The following RBFOX1 variants were observed in gnomAD, a reference collection of about 807,000 sequenced individuals.
The protein encoded by RBFOX1 is RNA binding protein fox-1 homolog 1.
RBFOX1 carries 8 observed loss-of-function variants against 57.7 expected under a neutral mutation model. The ratio of observed to expected loss-of-function variants is 0.14; its 90% confidence interval spans 0.08 to 0.25. RBFOX1 has a LOEUF of 0.25. Among genes scored for constraint, RBFOX1 ranks in the 10% least tolerant of loss-of-function variants. The pLI, the probability that RBFOX1 is intolerant of heterozygous loss-of-function variation, is 1.00. For synonymous variants in RBFOX1, 326 were observed against 222.4 expected, an observed-to-expected ratio of 1.47 and a Z score of -4.15; for missense variants, 611 against 548.5, an observed-to-expected ratio of 1.11 and a Z score of -1.14.
At chr16:7,108,480 T>C (rs923726590) in intron 4 of RBFOX1, among the ~76,000 whole-genome samples, 1 of 152,152 alleles carries the variant, frequency 6.6e-6, no homozygotes, top group Non-Finnish European at 1.5e-5. Context: ...CTGGTAAACA[T>C]TTATTAAACA....
chr16:6,012,347 A>G (rs769415667), intron 4 of RBFOX1, among the ~76,000 whole-genome samples: 16 of 152,212 alleles, frequency 1.1e-4, no homozygotes, highest in Admixed American at 2.0e-4. Flanking sequence ...TACTATTAGT[A>G]GTTCTGTTAC....
chr16:6,068,943 C>T (rs866692546), intron 1 of RBFOX1, among the ~76,000 whole-genome samples: 1 of 152,076 alleles, frequency 6.6e-6, no homozygotes, highest in Admixed American at 6.5e-5. Context: ...AACAGGAGGG[C>T]AAGACAGCTT....
intron 4 of RBFOX1, among the ~76,000 whole-genome samples, chr16:7,437,447 T>G (rs1044429648): frequency 5.9e-5 from 9 of 152,140 alleles, no homozygotes; most frequent in African/African-American, 2.2e-4. Flanking sequence ...AGGACACTGT[T>G]GGCGCGTTAT....
intron 2 of RBFOX1, among the ~76,000 whole-genome samples, chr16:6,541,316 G>C (rs919971072): frequency 6.6e-6 from 1 of 152,282 alleles, no homozygotes; most frequent in East Asian, 1.9e-4. Context: ...GGTGACTCTG[G>C]CATTCATTCA....
chr16:7,512,529 G>A (rs375832325), intron 4 of RBFOX1, among the ~76,000 whole-genome samples: 18 of 152,156 alleles, frequency 1.2e-4, no homozygotes, highest in African/African-American at 4.3e-4. Flanking sequence ...GTAACTGTAG[G>A]GGGTCCCACC....
At chr16:6,161,655 G>A (rs1419779595) in intron 1 of RBFOX1, among the ~76,000 whole-genome samples, 1 of 152,188 alleles carries the variant, frequency 6.6e-6, no homozygotes, top group Non-Finnish European at 1.5e-5. Context: ...GGGTGGTAGA[G>A]CCCCTTTGAA....
chr16:7,171,140 C>T (rs912520400), intron 4 of RBFOX1, among the ~76,000 whole-genome samples: 1 of 152,212 alleles, frequency 6.6e-6, no homozygotes, highest in African/African-American at 2.4e-5. Flanking sequence ...CTCTCAAGGC[C>T]TTACTTGCCA....
At chr16:6,655,985 T>C (rs2098648253) in intron 3 of RBFOX1, among the ~76,000 whole-genome samples, 1 of 152,246 alleles carries the variant, frequency 6.6e-6, no homozygotes, top group African/African-American at 2.4e-5. Flanking sequence ...AATGATACAG[T>C]AAGTTCAATT....
At chr16:6,311,996 C>T (rs2080376334) in intron 1 of RBFOX1, among the ~76,000 whole-genome samples, 1 of 152,172 alleles carries the variant, frequency 6.6e-6, no homozygotes, top group South Asian at 2.1e-4. Context: ...TCAGGGGCTG[C>T]TGTGAGGCTT....
chr16:7,199,419 G>A (rs1345142086), intron 4 of RBFOX1, among the ~76,000 whole-genome samples: 1 of 152,164 alleles, frequency 6.6e-6, no homozygotes, highest in East Asian at 1.9e-4. Context: ...CCTGAATCAT[G>A]CACTTCAAAA....
chr16:6,187,176 A>T (rs759900302), intron 1 of RBFOX1, among the ~76,000 whole-genome samples: 11 of 152,142 alleles, frequency 7.2e-5, no homozygotes, highest in Non-Finnish European at 1.0e-4. Context: ...CAAAGCCCTG[A>T]TGCTTTCATG....
intron 5 of RBFOX1, among the ~76,000 whole-genome samples, chr16:7,553,218 C>T (rs773305367): frequency 6.6e-6 from 1 of 152,114 alleles, no homozygotes; most frequent in Non-Finnish European, 1.5e-5. Context: ...AATCATAGCT[C>T]ACTTCAGCCT....
intron 3 of RBFOX1, among the ~76,000 whole-genome samples, chr16:5,801,876 T>C (rs751875127): frequency 2.6e-5 from 4 of 152,190 alleles, no homozygotes; most frequent in Non-Finnish European, 5.9e-5. Flanking sequence ...AAGTTGTGTA[T>C]GCAGGGCAGC....
intron 2 of RBFOX1, among the ~76,000 whole-genome samples, chr16:5,585,826 C>T (rs1014344754): frequency 2.6e-5 from 4 of 152,278 alleles, no homozygotes; most frequent in Admixed American, 6.5e-5. Flanking sequence ...CAACCTGATT[C>T]GTGTGAAGTA....
At chr16:6,201,788 A>G (rs2097217156) in intron 1 of RBFOX1, among the ~76,000 whole-genome samples, 1 of 152,236 alleles carries the variant, frequency 6.6e-6, no homozygotes, top group African/African-American at 2.4e-5. Context: ...TACCCCGTAC[A>G]TATGTACATC....
At chr16:7,596,000 T>C (rs2094669616) in intron 8 of RBFOX1, among the ~76,000 whole-genome samples, 1 of 151,596 alleles carries the variant, frequency 6.6e-6, no homozygotes, top group African/African-American at 2.4e-5. Context: ...CAGTTTCTTT[T>C]TCTTTTTCTT....
chr16:5,322,347 C>T (rs1162122322), intron 1 of RBFOX1, among the ~76,000 whole-genome samples: 1 of 152,128 alleles, frequency 6.6e-6, no homozygotes, highest in African/African-American at 2.4e-5. Context: ...TGGGGGACAG[C>T]AGAGATGTTC....
intron 4 of RBFOX1, among the ~76,000 whole-genome samples, chr16:7,478,151 A>G (rs2063128312): frequency 6.6e-6 from 1 of 152,354 alleles, no homozygotes; most frequent in South Asian, 2.1e-4. Context: ...GTTAGAATGC[A>G]TCTGTAAAAG....
At chr16:6,662,486 G>A (rs967763740) in intron 3 of RBFOX1, among the ~76,000 whole-genome samples, 1 of 152,172 alleles carries the variant, frequency 6.6e-6, no homozygotes, top group African/African-American at 2.4e-5. Flanking sequence ...CTGCAGGCCG[G>A]TATTGTACAA....
Sources: gnomAD v4.1 joint callset for allele counts (sites outside exome capture counted in the v4.1 genomes callset) on GRCh38, gnomAD v4.1.1 for gene constraint, MANE v1.5 for transcripts, NCBI Gene and HGNC (gene_info 2026-07-23, HGNC 2026-07-21) for gene names.